The following SLC24A2 variants were observed in gnomAD, a reference collection of about 807,000 sequenced individuals.
SLC24A2 encodes the protein solute carrier family 24 member 2.
In SLC24A2, 36 loss-of-function variants were observed where a neutral mutation model predicts 62.0. The ratio of observed to expected loss-of-function variants is 0.58; its 90% confidence interval spans 0.44 to 0.77. The LOEUF is 0.77. SLC24A2 is among the 30% of genes least tolerant of loss of function. The pLI is 0.00. For synonymous variants in SLC24A2, 358 were observed against 294.0 expected, an observed-to-expected ratio of 1.22 and a Z score of -2.23; for missense variants, 846 against 817.9, an observed-to-expected ratio of 1.03 and a Z score of -0.42.
At chr9:19,950,182 T>C in the SLC24A2 span, among the ~76,000 whole-genome samples, 2 of 152,210 alleles carry the variant, frequency 1.3e-5, no homozygotes, top group Non-Finnish European at 2.9e-5. Flanking sequence ...AGCTTTCTTA[T>C]CTGTAAATTA....
At chr9:20,231,716 T>C in the SLC24A2 span, among the ~76,000 whole-genome samples, 1 of 152,210 alleles carries the variant, frequency 6.6e-6, no homozygotes, top group Non-Finnish European at 1.5e-5. Context: ...CCTAATTGAA[T>C]ACCCTTTATT....
chr9:20,180,857 G>C, the SLC24A2 span, among the ~76,000 whole-genome samples: 41,097 of 152,024 alleles, frequency 0.27, 6,789 homozygotes, highest in Non-Finnish European at 0.38. Flanking sequence ...TCTTGTAATA[G>C]CATAGCTTGC....
intron 2 of SLC24A2, among the ~76,000 whole-genome samples, chr9:19,694,299 C>G (rs1451267500): frequency 6.6e-6 from 1 of 152,076 alleles, no homozygotes; most frequent in African/African-American, 2.4e-5. Context: ...GTATTTTATA[C>G]AAGGAAAGTC....
At chr9:19,953,683 C>T in the SLC24A2 span, among the ~76,000 whole-genome samples, 2 of 151,956 alleles carry the variant, frequency 1.3e-5, no homozygotes, top group African/African-American at 4.8e-5. Flanking sequence ...AATAACAATA[C>T]AAATATTTAT....
At chr9:20,069,197 T>C in the SLC24A2 span, among the ~76,000 whole-genome samples, 2 of 152,236 alleles carry the variant, frequency 1.3e-5, no homozygotes, top group Non-Finnish European at 2.9e-5. Flanking sequence ...AATTCAACTC[T>C]ACACACTTTG....
At chr9:19,661,661 G>A (rs1228458734) in intron 2 of SLC24A2, among the ~76,000 whole-genome samples, 2 of 152,148 alleles carry the variant, frequency 1.3e-5, no homozygotes, top group Admixed American at 6.5e-5. Context: ...GGGTGTGACA[G>A]GAATAATCAA....
chr9:19,535,307 A>G (rs200086190), intron 8 of SLC24A2, among the ~76,000 whole-genome samples: 2 of 152,146 alleles, frequency 1.3e-5, no homozygotes, highest in South Asian at 2.1e-4. Context: ...TAGGTTGCCT[A>G]TTCACTCTAA....
At chr9:19,973,457 T>C in the SLC24A2 span, among the ~76,000 whole-genome samples, 1 of 152,230 alleles carries the variant, frequency 6.6e-6, no homozygotes, top group African/African-American at 2.4e-5. Flanking sequence ...TATCATCTGT[T>C]AAAAGAAAAT....
At chr9:19,891,806 A>G in the SLC24A2 span, among the ~76,000 whole-genome samples, 1 of 152,132 alleles carries the variant, frequency 6.6e-6, no homozygotes, top group Admixed American at 6.5e-5. Context: ...GAACTAAGAG[A>G]GCAAGAACTC....
chr9:19,969,762 A>G, the SLC24A2 span, among the ~76,000 whole-genome samples: 1 of 152,230 alleles, frequency 6.6e-6, no homozygotes, highest in East Asian at 1.9e-4. Context: ...ATTAAAGATC[A>G]TAGAGCTTGT....
intron 2 of SLC24A2, among the ~76,000 whole-genome samples, chr9:19,757,314 C>G (rs747012211): frequency 2.0e-5 from 3 of 151,884 alleles, no homozygotes; most frequent in Non-Finnish European, 4.4e-5. Context: ...AACATGGCAG[C>G]AAAATACATG....
chr9:20,098,211 T>C, the SLC24A2 span, among the ~76,000 whole-genome samples: 2 of 152,134 alleles, frequency 1.3e-5, no homozygotes, highest in African/African-American at 2.4e-5. Context: ...ACACTCAAGG[T>C]CATTCATTTA....
chr9:20,164,829 T>G, the SLC24A2 span, among the ~76,000 whole-genome samples: 2 of 151,606 alleles, frequency 1.3e-5, no homozygotes, highest in Admixed American at 1.3e-4. Flanking sequence ...TTCATGTCCT[T>G]TTTAGGGACA....
chr9:20,056,806 A>G, the SLC24A2 span, among the ~76,000 whole-genome samples: 99,331 of 152,068 alleles, frequency 0.65, 33,290 homozygotes, highest in East Asian at 0.95. Flanking sequence ...GCAATGTAAC[A>G]TGAGGGAAAG....
At chr9:19,630,078 T>C (rs1818138475) in intron 2 of SLC24A2, among the ~76,000 whole-genome samples, 2 of 152,192 alleles carry the variant, frequency 1.3e-5, no homozygotes, top group African/African-American at 2.4e-5. Context: ...AAAGGGTAGG[T>C]AGTCATTATT....
the SLC24A2 span, among the ~76,000 whole-genome samples, chr9:19,939,268 G>C: frequency 1.3e-5 from 2 of 152,222 alleles, no homozygotes; most frequent in African/African-American, 4.8e-5. Flanking sequence ...TCATCATTGT[G>C]TGAACATCAT....
the SLC24A2 span, among the ~76,000 whole-genome samples, chr9:19,949,152 C>A: frequency 6.6e-6 from 1 of 152,098 alleles, no homozygotes; most frequent in South Asian, 2.1e-4. Flanking sequence ...TGCCACCATG[C>A]CTGGCTAATT....
chr9:20,090,108 G>T, the SLC24A2 span, among the ~76,000 whole-genome samples: 1 of 152,080 alleles, frequency 6.6e-6, no homozygotes, highest in Non-Finnish European at 1.5e-5. Context: ...GACCCAAGGA[G>T]AGGAAGCCAC....
the SLC24A2 span, among the ~76,000 whole-genome samples, chr9:20,198,779 C>T: frequency 3.3e-5 from 5 of 152,018 alleles, no homozygotes; most frequent in Non-Finnish European, 5.9e-5. Context: ...GTCTGACCTT[C>T]TGAAGCACAG....
Sources: allele counts gnomAD v4.1 joint callset (sites outside exome capture counted in the v4.1 genomes callset), GRCh38; gene constraint gnomAD v4.1.1; transcripts MANE v1.5; gene names NCBI Gene and HGNC (gene_info 2026-07-23, HGNC 2026-07-21).